TRPM3: variants seen among roughly 807,000 people sequenced by gnomAD.
TRPM3 encodes long transient receptor potential channel 3.
Under a neutral mutation model 181.2 loss-of-function variants are expected in TRPM3, and 77 were observed. That is an observed-to-expected ratio of 0.42 (90% CI 0.35 to 0.51). The LOEUF is 0.51. TRPM3 is among the 20% of genes least tolerant of loss of function. TRPM3 has a pLI of 0.01. For missense variants in TRPM3, 1,759 were observed against 2,196.7 expected (o/e 0.80, Z 3.98); for synonymous variants, 745 against 796.4 (o/e 0.94, Z 1.09).
intron 1 of TRPM3, among the ~76,000 whole-genome samples, chr9:71,356,334 C>A (rs756817331): frequency 6.6e-6 from 1 of 152,030 alleles, no homozygotes; most frequent in Non-Finnish European, 1.5e-5. Context: ...TTTCCACCCC[C>A]CAATAGGCCC....
chr9:70,585,907 C>T (rs1459850967), intron 22 of TRPM3, among the ~76,000 whole-genome samples: 2 of 152,172 alleles, frequency 1.3e-5, no homozygotes, highest in African/African-American at 2.4e-5. Context: ...CCCCGTCTGT[C>T]TCCTCAGACC....
rs575934741 is a variant in TRPM3 at position 70,759,915 on chromosome 9, C to A, written c.1272+1686G>T. On this transcript the variant is annotated intron_variant, in intron 8 of 25. Transcript: ENST00000677713. ...GGTTGATTGGTGCAGCACATGTATA[C>A]CTATTTAACAAACCTGAATGTTCTA... 2.0e-5 allele frequency among the ~76,000 whole-genome samples: 3 copies of A among 151,890 alleles called. No homozygotes were observed. In the East Asian group the frequency reaches 5.8e-4, roughly 29 times the overall value.
chr9:70,918,740 TTAG>T (rs2096626134), intron 1 of TRPM3, among the ~76,000 whole-genome samples: 1 of 151,760 alleles, frequency 6.6e-6, no homozygotes, highest in Admixed American at 6.6e-5. Context: ...AAACCCAAAA[TTAG>T]TAGAAGAAAA....
At chr9:71,138,111 C>T (rs2074878349) in intron 1 of TRPM3, among the ~76,000 whole-genome samples, 1 of 150,456 alleles carries the variant, frequency 6.6e-6, no homozygotes, top group African/African-American at 2.4e-5. Flanking sequence ...AAGACTCTGT[C>T]TCAAAAAAGA....
chr9:70,974,539 AAAACAAACAAAC>A (rs74510700), intron 1 of TRPM3, among the ~76,000 whole-genome samples: 5 of 149,310 alleles, frequency 3.3e-5, no homozygotes, highest in South Asian at 4.3e-4. Flanking sequence ...ACTCCGTCTC[AAAACAAACAAAC>A]AAACAAACAA....
At chr9:70,957,336 A>G (rs2097088521) in intron 1 of TRPM3, among the ~76,000 whole-genome samples, 1 of 152,164 alleles carries the variant, frequency 6.6e-6, no homozygotes, top group South Asian at 2.1e-4. Context: ...TCATCTTAGA[A>G]GGAGAACCCA....
At chr9:71,065,705 A>T (rs759260429) in intron 1 of TRPM3, among the ~76,000 whole-genome samples, 4 of 152,210 alleles carry the variant, frequency 2.6e-5, no homozygotes, top group Non-Finnish European at 4.4e-5. Flanking sequence ...GATTAAGGAA[A>T]GCAAACAAAA....
intron 1 of TRPM3, among the ~76,000 whole-genome samples, chr9:70,898,236 C>A (rs1211042779): frequency 1.3e-5 from 2 of 150,746 alleles, no homozygotes; most frequent in African/African-American, 4.9e-5. Flanking sequence ...CATTCTCCTG[C>A]CTCAGCCTCC....
chr9:71,261,757 C>G (rs981970533), intron 1 of TRPM3, among the ~76,000 whole-genome samples: 1 of 152,170 alleles, frequency 6.6e-6, no homozygotes, highest in Non-Finnish European at 1.5e-5. Context: ...AACAATCAGG[C>G]CCCTTTTCTG....
intron 9 of TRPM3, among the ~76,000 whole-genome samples, chr9:70,646,496 A>T (rs78553199): frequency 1.3e-5 from 2 of 152,082 alleles, no homozygotes; most frequent in African/African-American, 4.8e-5. Flanking sequence ...GAATGTTCTC[A>T]CTCATAGTGG....
chr9:70,926,468 G>T (rs2096722569), intron 1 of TRPM3, among the ~76,000 whole-genome samples: 2 of 151,964 alleles, frequency 1.3e-5, no homozygotes, highest in Admixed American at 6.6e-5. Context: ...ATTAAAAGTG[G>T]CTCTCTCAAA....
chr9:71,217,533 C>A (rs915373647), intron 1 of TRPM3, among the ~76,000 whole-genome samples: 7 of 152,140 alleles, frequency 4.6e-5, no homozygotes, highest in African/African-American at 1.7e-4. Context: ...GTATTTAGTG[C>A]AGTACTGTGC....
intron 6 of TRPM3, among the ~76,000 whole-genome samples, chr9:70,803,435 C>T (rs1202655308): frequency 6.7e-6 from 1 of 149,412 alleles, no homozygotes; most frequent in East Asian, 1.9e-4. Flanking sequence ...CGCCCCCCAC[C>T]GCCACCGTTT....
chr9:71,425,695 T>G (rs1177637751), intron 1 of TRPM3, among the ~76,000 whole-genome samples: 1 of 152,160 alleles, frequency 6.6e-6, no homozygotes, highest in East Asian at 1.9e-4. Flanking sequence ...GCAATATTCA[T>G]CAGCTCACAT....
rs1407051123 is a variant in TRPM3, at chr9:70,945,502, G to A, written c.178-80991C>T. 3.3e-5 allele frequency among the ~76,000 whole-genome samples: 5 copies of A among 152,148 alleles called. No individual in the cohort carries two copies. In the East Asian group the frequency reaches 9.6e-4, roughly 29 times the overall value. On this transcript the variant is annotated intron_variant, in intron 1 of 25. Transcript: ENST00000677713. Reference sequence around the variant, plus strand: ...TGCTAGACTGCTGTGATGACTCAATGTAATCATGTTCATGTAAACTAGTGG... The same window carrying A: ...TGCTAGACTGCTGTGATGACTCAATATAATCATGTTCATGTAAACTAGTGG...
At chr9:70,764,434 T>C (rs1411132731) in intron 7 of TRPM3, among the ~76,000 whole-genome samples, 1 of 152,222 alleles carries the variant, frequency 6.6e-6, no homozygotes, top group Non-Finnish European at 1.5e-5. Context: ...CCATCTGTAA[T>C]GAAATCCCAG....
chr9:71,197,790 G>C (rs1191724899), intron 1 of TRPM3, among the ~76,000 whole-genome samples: 1 of 133,854 alleles, frequency 7.5e-6, no homozygotes. Flanking sequence ...CAGATGAGTA[G>C]GTTGCAAAAA....
At chr9:71,097,871 T>TATC (rs1211086532) in intron 1 of TRPM3, among the ~76,000 whole-genome samples, 1 of 152,050 alleles carries the variant, frequency 6.6e-6, no homozygotes, top group Admixed American at 6.6e-5. Flanking sequence ...AGCTGCCAAA[T>TATC]ATCACAGATG....
intron 1 of TRPM3, among the ~76,000 whole-genome samples, chr9:70,950,263 C>T (rs1407184894): frequency 2.0e-5 from 3 of 152,114 alleles, no homozygotes; most frequent in Non-Finnish European, 4.4e-5. Flanking sequence ...CACAGCAGAA[C>T]TTGACTTAAG....
Sources: gnomAD v4.1 joint callset for allele counts (sites outside exome capture counted in the v4.1 genomes callset) on GRCh38, gnomAD v4.1.1 for gene constraint, MANE v1.5 for transcripts, NCBI Gene and HGNC (gene_info 2026-07-23, HGNC 2026-07-21) for gene names.